GALNT13: variants seen among roughly 807,000 people sequenced by gnomAD.
GALNT13 encodes polypeptide N-acetylgalactosaminyltransferase 13.
In GALNT13, 28 loss-of-function variants were observed where a neutral mutation model predicts 64.2. The observed-to-expected ratio is 0.44, with a 90% CI of 0.32 to 0.60. The LOEUF is 0.60. Among genes scored for constraint, GALNT13 ranks in the 20% least tolerant of loss-of-function variants. GALNT13 has a pLI of 0.05. For synonymous variants in GALNT13, 214 were observed against 224.6 expected (o/e 0.95, Z 0.42); for missense variants, 577 against 669.8 (o/e 0.86, Z 1.53).
At chr2:153,532,845 CAA>C in the GALNT13 span, among the ~76,000 whole-genome samples, 1 of 152,158 alleles carries the variant, frequency 6.6e-6, no homozygotes, top group East Asian at 1.9e-4. Context: ...TAACACATAA[CAA>C]AAGTTACCTT....
the GALNT13 span, among the ~76,000 whole-genome samples, chr2:153,422,152 A>C: frequency 6.6e-6 from 1 of 152,378 alleles, no homozygotes; most frequent in Middle Eastern, 3.4e-3. Context: ...CTGAATGATA[A>C]TGCAAATGCT....
chr2:153,279,088 A>G, the GALNT13 span, among the ~76,000 whole-genome samples: 1 of 152,166 alleles, frequency 6.6e-6, no homozygotes, highest in South Asian at 2.1e-4. Context: ...GGTTAGAGGT[A>G]AACCTAGGTA....
At chr2:153,083,214 G>A in the GALNT13 span, among the ~76,000 whole-genome samples, 1 of 152,076 alleles carries the variant, frequency 6.6e-6, no homozygotes, top group African/African-American at 2.4e-5. Flanking sequence ...TTTTCTTATG[G>A]GTAGTTACCT....
the GALNT13 span, among the ~76,000 whole-genome samples, chr2:153,771,642 G>A: frequency 6.6e-6 from 1 of 152,122 alleles, no homozygotes; most frequent in Non-Finnish European, 1.5e-5. Flanking sequence ...CTACAACAAA[G>A]ATTTTGTAGG....
At chr2:153,230,359 T>C in the GALNT13 span, among the ~76,000 whole-genome samples, 1 of 152,218 alleles carries the variant, frequency 6.6e-6, no homozygotes, top group African/African-American at 2.4e-5. Context: ...CATTTTTAAC[T>C]TTCAGTACAA....
intron 3 of GALNT13, among the ~76,000 whole-genome samples, chr2:153,966,834 G>A (rs1250958487): frequency 6.6e-6 from 1 of 152,016 alleles, no homozygotes; most frequent in Admixed American, 6.5e-5. Flanking sequence ...CTTGATCCCT[G>A]TCTCTATATC....
chr2:154,446,031 A>G, intron 12 of GALNT13: 1 of 364,864 alleles, frequency 2.7e-6, no homozygotes, highest in South Asian at 2.1e-5. Context: ...AAAGGTGGCA[A>G]TGTACATGTG....
chr2:153,725,187 T>A, the GALNT13 span, among the ~76,000 whole-genome samples: 6 of 146,178 alleles, frequency 4.1e-5, no homozygotes, highest in African/African-American at 1.5e-4. Flanking sequence ...ACCATCATTC[T>A]CAGTAAACTA....
At chr2:154,214,874 C>A (rs973780534) in intron 4 of GALNT13, among the ~76,000 whole-genome samples, 5 of 152,160 alleles carry the variant, frequency 3.3e-5, no homozygotes, top group Admixed American at 2.6e-4. Flanking sequence ...CTTGTGCTGG[C>A]TGTACCCTTA....
rs146151523 is a variant in GALNT13, at chr2:154,117,827, T to G, written c.143-22510T>G. On this transcript the variant is annotated intron_variant, in intron 3 of 12. Transcript: ENST00000392825. Reference sequence around the variant, plus strand: ...CTGGATCATTGTCTGTCACCTTATATGAAATAAACTCAAAATGGATCAAGG... The same window carrying G: ...CTGGATCATTGTCTGTCACCTTATAGGAAATAAACTCAAAATGGATCAAGG... Among the ~76,000 whole-genome samples, 691 of 152,312 alleles carry G rather than the reference T, an allele frequency of 4.5e-3. 10 individuals carry two copies. The highest frequency in any genetic ancestry group is 0.016 in the African/African-American group (650 of 41,572).
At chr2:153,700,323 G>A in the GALNT13 span, among the ~76,000 whole-genome samples, 1 of 151,980 alleles carries the variant, frequency 6.6e-6, no homozygotes, top group Admixed American at 6.6e-5. Context: ...CTCAAACTAG[G>A]TATTGATGGA....
the GALNT13 span, among the ~76,000 whole-genome samples, chr2:153,236,962 G>C: frequency 6.6e-6 from 1 of 152,076 alleles, no homozygotes; most frequent in Non-Finnish European, 1.5e-5. Flanking sequence ...ATGGCAAGGA[G>C]TCAAATATCA....
the GALNT13 span, among the ~76,000 whole-genome samples, chr2:153,114,206 G>A: frequency 1.3e-5 from 2 of 152,188 alleles, no homozygotes; most frequent in East Asian, 1.9e-4. Flanking sequence ...GCTCAAAATA[G>A]ATTATAGTCC....
the GALNT13 span, among the ~76,000 whole-genome samples, chr2:153,072,416 A>G: frequency 6.6e-6 from 1 of 152,152 alleles, no homozygotes; most frequent in Non-Finnish European, 1.5e-5. Flanking sequence ...TTCTTCCTCC[A>G]AAAGGAAGAA....
At chr2:153,414,337 T>C in the GALNT13 span, among the ~76,000 whole-genome samples, 1 of 151,404 alleles carries the variant, frequency 6.6e-6, no homozygotes, top group African/African-American at 2.4e-5. Context: ...ATCATGCCAT[T>C]GCACTCCAGC....
At chr2:153,180,507 T>G in the GALNT13 span, among the ~76,000 whole-genome samples, 5 of 152,152 alleles carry the variant, frequency 3.3e-5, no homozygotes, top group Admixed American at 6.6e-5. Context: ...ATGTCCTTAT[T>G]TCACTCTATT....
chr2:153,128,903 C>G, the GALNT13 span, among the ~76,000 whole-genome samples: 1 of 152,114 alleles, frequency 6.6e-6, no homozygotes, highest in Non-Finnish European at 1.5e-5. Context: ...GATTTACTCA[C>G]TATCATGAGA....
chr2:153,630,422 C>G, the GALNT13 span, among the ~76,000 whole-genome samples: 1 of 141,940 alleles, frequency 7.0e-6, no homozygotes, highest in Non-Finnish European at 1.5e-5. Context: ...ACCGCATGTT[C>G]TCACTCATAG....
chr2:153,543,457 T>A, the GALNT13 span, among the ~76,000 whole-genome samples: 1 of 152,240 alleles, frequency 6.6e-6, no homozygotes, highest in Non-Finnish European at 1.5e-5. Flanking sequence ...TAAACCTTTA[T>A]TAAAGCATTT....
Sources: gnomAD v4.1 joint callset for allele counts (sites outside exome capture counted in the v4.1 genomes callset) on GRCh38, gnomAD v4.1.1 for gene constraint, MANE v1.5 for transcripts, NCBI Gene and HGNC (gene_info 2026-07-23, HGNC 2026-07-21) for gene names.